ST7L: variants seen among roughly 807,000 people sequenced by gnomAD.
The protein encoded by ST7L is suppression of tumorigenicity 7 like.
In ST7L, 57 loss-of-function variants were observed where a neutral mutation model predicts 72.5. The ratio of observed to expected loss-of-function variants is 0.79; its 90% CI spans 0.64 to 0.98. The LOEUF (loss-of-function observed/expected upper bound fraction) is 0.98, where lower values mean the gene tolerates loss of function less well. Among genes scored for constraint, ST7L ranks in the 50% least tolerant of loss-of-function variants. The pLI, the probability that ST7L is intolerant of heterozygous loss-of-function variation, is 0.00. For synonymous variants in ST7L, 221 were observed against 240.9 expected (o/e 0.92, Z 0.77); for missense variants, 576 against 672.2 (o/e 0.86, Z 1.58).
rs1368749207 is a variant in ST7L, at chr1:112,525,963, G to A, written c.*50C>T. ...GGGTTACTGTCACTTTACAGATGCT[G>A]TTCAGAAAAATTTGGTGATTTGTCC... is the stretch of plus-strand genomic sequence containing the variant. On this transcript the variant is annotated 3_prime_UTR_variant, in exon 15 of 15. Coordinates refer to ENST00000358039, the MANE Select transcript of ST7L (RefSeq NM_017744.5). 1 of 1,610,816 alleles carries A rather than the reference G, an allele frequency of 6.2e-7. No homozygotes were observed. The highest frequency in any genetic ancestry group is 2.2e-5 in the East Asian group (1 of 44,816).
chr1:112,566,883 T>C (rs1661149312), intron 11 of ST7L, among the ~76,000 whole-genome samples: 2 of 152,238 alleles, frequency 1.3e-5, no homozygotes. Flanking sequence ...GGATTGTTTC[T>C]AGTTTGGGGC....
At chr1:112,578,288 A>T (rs528150876) in intron 10 of ST7L, 57 bp downstream of exon 10, 1 of 1,445,304 alleles carries the variant, frequency 6.9e-7, no homozygotes, top group Non-Finnish European at 9.7e-7. Context: ...GTAGAGGACA[A>T]GCATAATACT....
Position 112,583,999 on chromosome 1 carries a change from G to C in ST7L, c.829C>G (p.Gln277Glu). The C allele has an allele frequency of 6.2e-7, 1 of 1,614,030 alleles. No homozygotes were observed. The highest frequency in any genetic ancestry group is 1.1e-5 in the South Asian group (1 of 91,060). The change falls in exon 7 of 15, where the codon CAA (glutamine) becomes GAA (glutamate). Residue 277 changes from glutamine (Q) to glutamate (E), a missense_variant. Physicochemically the swap from Gln to Glu is conservative, Grantham distance 29 (BLOSUM62 2). Transcript: ENST00000358039. ...IYRQSQQCQH[Q>E]SPQHEAQLRR... ...AGTTGAGCTTCATGCTGAGGACTTT[G>C]GTGCTGGCACTGCTGTGACTGCCTA...
chr1:112,542,901 G>C (rs769758173), intron 13 of ST7L, among the ~76,000 whole-genome samples: 2 of 152,056 alleles, frequency 1.3e-5, no homozygotes, highest in Non-Finnish European at 2.9e-5. Context: ...CCAGGTTCAA[G>C]TGACTCTTGT....
rs1663202953 is a variant in ST7L, at chr1:112,576,984, A to T, written c.1245+2T>A. The stretch of plus-strand genomic sequence containing the variant: ...TAGTATTTTTATCATAAAATTTCTC[A>T]CTTTTGGAACATGAGGATTAAATTC... On this transcript the variant is annotated splice_donor_variant, in intron 11 of 14. Coordinates refer to ENST00000358039, the MANE Select transcript of ST7L (RefSeq NM_017744.5). LOFTEE classifies it high-confidence loss of function. 6.3e-7 allele frequency: 1 copy of T among 1,582,202 alleles called. No homozygotes were observed. Among genetic ancestry groups the T allele is most frequent in the Admixed American group, 1.8e-5 (1 of 55,182 alleles).
intron 11 of ST7L, among the ~76,000 whole-genome samples, chr1:112,559,033 C>T (rs968468428): frequency 1.6e-4 from 25 of 152,260 alleles, no homozygotes; most frequent in African/African-American, 5.5e-4. Context: ...CAAGTTCTTT[C>T]TATTAAAATT....
chr1:112,547,561 CTTTTT>C (rs59755766), intron 13 of ST7L, among the ~76,000 whole-genome samples: 2 of 62,028 alleles, frequency 3.2e-5, no homozygotes, highest in African/African-American at 1.3e-4. Context: ...TCTTTGTCAT[CTTTTT>C]TTTTTTTTTT....
At chr1:112,568,887 T>TATATATATATATATAA (rs1308318369) in intron 11 of ST7L, among the ~76,000 whole-genome samples, 2 of 131,558 alleles carry the variant, frequency 1.5e-5, no homozygotes, top group South Asian at 2.3e-4. Flanking sequence ...TATATATATA[T>TATATATATATATATAA]AAAACAAAAA....
chr1:112,563,793 TG>T (rs560754027), intron 11 of ST7L, among the ~76,000 whole-genome samples: 369 of 152,358 alleles, frequency 2.4e-3, no homozygotes, highest in African/African-American at 8.4e-3. Context: ...ACTTTAATTT[TG>T]AACTGCTTTG....
chr1:112,555,909 A>G lies in ST7L; in HGVS notation c.1355T>C (p.Ile452Thr), dbSNP rs1186893752. Residue 452 changes from isoleucine (I) to threonine (T), a missense_variant, in exon 12 of 15, where the codon ATA becomes ACA. Coordinates refer to ENST00000358039, the MANE Select transcript of ST7L (RefSeq NM_017744.5). ...AFFHLQHWKR[I>T]EGALNLLQCT... is the part of the protein sequence containing the mutation. ...CTGTAACAGATTAAGAGCACCTTCTATTCGTTTCCAGTGCTGAAGATGAAA... is the reference window on the plus strand; with the variant it reads ...CTGTAACAGATTAAGAGCACCTTCTGTTCGTTTCCAGTGCTGAAGATGAAA... 4 of 1,611,882 alleles carry G rather than the reference A, an allele frequency of 2.5e-6. No homozygotes were observed. The highest frequency in any genetic ancestry group is 2.5e-6 in the Non-Finnish European group (3 of 1,178,846).
intron 11 of ST7L, among the ~76,000 whole-genome samples, chr1:112,570,141 G>A (rs1261379090): frequency 6.6e-6 from 1 of 151,714 alleles, no homozygotes; most frequent in Non-Finnish European, 1.5e-5. Flanking sequence ...TTTGTGTTTG[G>A]CAACTAAAAA....
chr1:112,619,676 G>A (rs1670510659), upstream of ST7L: 1 of 592,648 alleles, frequency 1.7e-6, no homozygotes, highest in Non-Finnish European at 3.0e-6. Flanking sequence ...GGGCGCGGGC[G>A]CGGGCGCTGG....
intron 3 of ST7L, among the ~76,000 whole-genome samples, chr1:112,605,506 C>T (rs556547612): frequency 1.3e-5 from 2 of 151,480 alleles, no homozygotes; most frequent in South Asian, 4.2e-4. Flanking sequence ...GCCTGACCAA[C>T]GTGGAGAAAA....
In ST7L at chr1:112,582,398, C is replaced by T. The variant is rs1483227705; in HGVS notation, c.931G>A (p.Glu311Lys). Residue 311 changes from glutamate (E) to lysine (K), a missense_variant, in exon 8 of 15, where the codon GAA (glutamate) becomes AAA (lysine). This residue lies in a region of ST7L where 511 missense variants were observed against 600.7 expected (regional missense o/e 0.85). Coordinates refer to ENST00000358039, the MANE Select transcript of ST7L (RefSeq NM_017744.5). ...ACATCTCTCATTATTTTTACTGCTT[C>T]TCTTATTCTTCCTAATTTTCTTGCA... ...MCARKLGRIR[E>K]AVKIMRDLMK... 1 of 1,605,370 alleles carries T rather than the reference C, an allele frequency of 6.2e-7. No homozygotes were observed. The highest frequency in any genetic ancestry group is 8.5e-7 in the Non-Finnish European group (1 of 1,173,578).
chr1:112,545,927 C>G (rs547424845), intron 13 of ST7L, among the ~76,000 whole-genome samples: 3 of 152,182 alleles, frequency 2.0e-5, no homozygotes, highest in African/African-American at 2.4e-5. Flanking sequence ...ATGAGGACCG[C>G]TGGCAATTTT....
intron 5 of ST7L, among the ~76,000 whole-genome samples, chr1:112,594,452 G>A (rs1666143134): frequency 6.6e-6 from 1 of 152,144 alleles, no homozygotes; most frequent in South Asian, 2.1e-4. Context: ...AATGAAGAAG[G>A]GAATGATAAC....
intron 3 of ST7L, among the ~76,000 whole-genome samples, chr1:112,603,746 G>A (rs1470224152): frequency 6.6e-6 from 1 of 152,196 alleles, no homozygotes; most frequent in Non-Finnish European, 1.5e-5. Context: ...CAAGGTACCT[G>A]CAGGGTACCA....
chr1:112,550,870 TA>T (rs1265076245), intron 12 of ST7L, among the ~76,000 whole-genome samples, 177 bp from the exon 13 acceptor site: 1 of 152,186 alleles, frequency 6.6e-6, no homozygotes, highest in East Asian at 1.9e-4. Context: ...TTTATTTAGA[TA>T]ATAGTGAATG....
chr1:112,519,714 A>G (rs1379993450), downstream of ST7L, among the ~76,000 whole-genome samples: 1 of 151,958 alleles, frequency 6.6e-6, no homozygotes, highest in Non-Finnish European at 1.5e-5. Flanking sequence ...TAATCAGTTC[A>G]CCTCTTCAGA....
Sources: allele counts gnomAD v4.1 joint callset (sites outside exome capture counted in the v4.1 genomes callset), GRCh38; gene constraint gnomAD v4.1.1; regional missense constraint gnomAD v4.1.1; transcripts MANE v1.5; gene names NCBI Gene and HGNC (gene_info 2026-07-23, HGNC 2026-07-21).